The following WDR64 variants were observed in gnomAD, a reference collection of about 807,000 sequenced individuals.
The protein encoded by WDR64 is WD repeat domain 64, also known as WD repeat-containing protein 64.
In WDR64, 112 loss-of-function variants were observed where a neutral mutation model predicts 139.3. The observed-to-expected ratio is 0.80, with a 90% confidence interval of 0.69 to 0.94. The LOEUF (loss-of-function observed/expected upper bound fraction) is 0.94, where lower values mean the gene tolerates loss of function less well. Among genes scored for constraint, WDR64 ranks in the 40% least tolerant of loss-of-function variants. WDR64 has a pLI of 0.00. For synonymous variants in WDR64, 444 were observed against 437.7 expected, an observed-to-expected ratio of 1.01 and a Z score of -0.18; for missense variants, 1,206 against 1,293.1, an observed-to-expected ratio of 0.93 and a Z score of 1.03.
At chr1:241,747,066 C>T (rs1669788428) in intron 13 of WDR64, among the ~76,000 whole-genome samples, 1 of 152,134 alleles carries the variant, frequency 6.6e-6, no homozygotes, top group South Asian at 2.1e-4. Context: ...CAGCCAATAA[C>T]ATTCTTAAAA....
intron 25 of WDR64, among the ~76,000 whole-genome samples, chr1:241,794,658 G>A (rs191484572): frequency 1.2e-3 from 187 of 151,930 alleles, no homozygotes; most frequent in Admixed American, 2.2e-3. Context: ...ACAGGCACCT[G>A]CCACCACGCC....
intron 22 of WDR64, 90 bp from the exon 23 acceptor site, chr1:241,783,182 C>G (rs1658909659): frequency 8.9e-7 from 1 of 1,117,572 alleles, no homozygotes; most frequent in African/African-American, 1.6e-5. Context: ...CACTCATAAG[C>G]TTGGCTCAAT....
chr1:241,737,790 C>G (rs1669384121), intron 10 of WDR64, among the ~76,000 whole-genome samples: 1 of 152,134 alleles, frequency 6.6e-6, no homozygotes, highest in Non-Finnish European at 1.5e-5. Context: ...ATATAGTTAT[C>G]TTTCCTCCCT....
chr1:241,658,832 A>C (rs920238506), intron 1 of WDR64, among the ~76,000 whole-genome samples: 2 of 152,124 alleles, frequency 1.3e-5, no homozygotes, highest in Non-Finnish European at 2.9e-5. Flanking sequence ...CAAACACCAC[A>C]GTAAAATATT....
chr1:241,774,164 G>C (rs1308258017), intron 20 of WDR64, among the ~76,000 whole-genome samples: 1 of 152,168 alleles, frequency 6.6e-6, no homozygotes, highest in Non-Finnish European at 1.5e-5. Flanking sequence ...CTTGTGATAA[G>C]GCTCCTTCCT....
At chr1:241,672,095 A>G (rs1322863122) in intron 3 of WDR64, among the ~76,000 whole-genome samples, 1 of 152,166 alleles carries the variant, frequency 6.6e-6, no homozygotes, top group African/African-American at 2.4e-5. Flanking sequence ...GAATCACTTG[A>G]ACTCCAGAGG....
intron 2 of WDR64, among the ~76,000 whole-genome samples, chr1:241,666,045 A>G (rs568705137): frequency 6.6e-6 from 1 of 152,314 alleles, no homozygotes; most frequent in African/African-American, 2.4e-5. Flanking sequence ...TACAATGAAC[A>G]TATGTTCCTT....
At chr1:241,691,422 C>A (rs1667276474) in intron 8 of WDR64, among the ~76,000 whole-genome samples, 1 of 152,102 alleles carries the variant, frequency 6.6e-6, no homozygotes, top group African/African-American at 2.4e-5. Context: ...CTATAAGAAA[C>A]CCACTTTAAA....
At position 241,758,314 on chromosome 1, in the gene WDR64, C is replaced by CTT. The variant is rs34461998; in HGVS notation, c.1947+866_1947+867dup. ...CAAGATTCTCATAATGACCAGTTGT[C>CTT]TTTTTTTTTTTTGTATCTCAGCAGC... On this transcript the variant is annotated intron_variant, in intron 15 of 27. Coordinates refer to ENST00000437684, the MANE Select transcript of WDR64 (RefSeq NM_001367482.1). Among the ~76,000 whole-genome samples, 69 of 145,772 alleles carry CTT rather than the reference C, an allele frequency of 4.7e-4. 1 individual carries two copies. Among genetic ancestry groups the CTT allele is most frequent in the South Asian group, 1.1e-3 (5 of 4,554 alleles).
At chr1:241,691,727 A>G (rs961268473) in intron 8 of WDR64, among the ~76,000 whole-genome samples, 3 of 152,198 alleles carry the variant, frequency 2.0e-5, no homozygotes, top group Admixed American at 6.5e-5. Flanking sequence ...TAAATTAAAA[A>G]CATAGGCTGG....
In WDR64 at chr1:241,802,098, AT is replaced by A; in HGVS notation, c.*884del. ...TTTAAGAAAATAAACAAGAATCTTT[AT>A]AAAAGTTTTATAAAGTTATTAATAA... On this transcript the variant is annotated 3_prime_UTR_variant, in exon 28 of 28. Transcript: ENST00000437684. 1 of 398,044 alleles carries A rather than the reference AT, an allele frequency of 2.5e-6. No homozygotes were observed. The highest frequency in any genetic ancestry group is 4.4e-6 in the Non-Finnish European group (1 of 225,776). 24.7% of individuals were successfully genotyped at this position (398,044 alleles called of 1,614,324 possible). A position where few individuals can be genotyped will look rare whatever the true frequency, so the allele number is the denominator to read the frequency against.
intron 10 of WDR64, among the ~76,000 whole-genome samples, chr1:241,724,672 GA>G (rs1167411926): frequency 1.3e-5 from 2 of 152,090 alleles, no homozygotes; most frequent in African/African-American, 2.4e-5. Context: ...ATTTCCAGAA[GA>G]AAATATAGGT....
chr1:241,664,827 T>C (rs1033209077), intron 2 of WDR64, among the ~76,000 whole-genome samples: 8 of 152,246 alleles, frequency 5.3e-5, no homozygotes, highest in Non-Finnish European at 1.0e-4. Context: ...AATTGACTTA[T>C]CTAAAGCTGG....
At chr1:241,713,154 A>T (rs1668240691) in intron 9 of WDR64, among the ~76,000 whole-genome samples, 1 of 151,442 alleles carries the variant, frequency 6.6e-6, no homozygotes, top group Admixed American at 6.6e-5. Context: ...AAAAAAAAAA[A>T]ATTAAAAATT....
intron 13 of WDR64, among the ~76,000 whole-genome samples, chr1:241,746,850 C>A (rs1337186754): frequency 6.6e-6 from 1 of 151,710 alleles, no homozygotes; most frequent in Non-Finnish European, 1.5e-5. Context: ...ACCTCCGCCT[C>A]CTGGGTTCAA....
In WDR64 at chr1:241,772,918, T is replaced by G. The variant is rs546631926; in HGVS notation, c.2417T>G (p.Leu806Trp). ...GCTCATGAGGATGGACACCTCCGCT[T>G]GTGGACTCTGGAGGTAATGGAACCC... The part of the protein sequence containing the change: ...VTAHEDGHLR[L>W]WTLEGRLLKD... Residue 806 changes from leucine to tryptophan, a missense_variant, in exon 20 of 28, where the codon TTG (leucine) becomes TGG (tryptophan). Leu to Trp is a moderately conservative substitution (Grantham distance 61). Transcript: ENST00000437684. 6.4e-7 allele frequency: 1 copy of G among 1,550,992 alleles called. No homozygotes were observed. Among genetic ancestry groups the G allele is most frequent in the Admixed American group, 2.0e-5 (1 of 50,946 alleles).
chr1:241,707,546 A>T (rs1202561970), intron 8 of WDR64, among the ~76,000 whole-genome samples: 2 of 152,206 alleles, frequency 1.3e-5, no homozygotes, highest in South Asian at 4.1e-4. Context: ...AAGATCTCTC[A>T]CCACCCACCA....
intron 15 of WDR64, among the ~76,000 whole-genome samples, chr1:241,765,884 G>GT (rs1338150528): frequency 1.3e-5 from 2 of 152,176 alleles, no homozygotes; most frequent in Non-Finnish European, 2.9e-5. Flanking sequence ...AGAAAAGTTG[G>GT]TAAGTGGAAA....
chr1:241,711,156 G>A (rs902565469), intron 8 of WDR64, among the ~76,000 whole-genome samples: 6 of 150,970 alleles, frequency 4.0e-5, no homozygotes, highest in African/African-American at 1.5e-4. Flanking sequence ...AAAATTGCTT[G>A]AACCTGGGAG....
Sources: allele counts gnomAD v4.1 joint callset (sites outside exome capture counted in the v4.1 genomes callset), GRCh38; gene constraint gnomAD v4.1.1; transcripts MANE v1.5; gene names NCBI Gene and HGNC (gene_info 2026-07-23, HGNC 2026-07-21).